PHKA1: variants seen among roughly 807,000 people sequenced by gnomAD.
PHKA1 encodes phosphorylase b kinase regulatory subunit alpha, skeletal muscle isoform.
In PHKA1, 60 loss-of-function variants were observed where a neutral mutation model predicts 110.2. The ratio of observed to expected loss-of-function variants is 0.54; its 90% CI spans 0.44 to 0.68. The LOEUF is 0.68. PHKA1 is among the 30% of genes least tolerant of loss of function. The pLI, the probability that PHKA1 is intolerant of heterozygous loss-of-function variation, is 0.00. For synonymous variants in PHKA1, 316 were observed against 333.6 expected, an observed-to-expected ratio of 0.95 and a Z score of 0.58; for missense variants, 801 against 942.5, an observed-to-expected ratio of 0.85 and a Z score of 1.97.
intron 21 of PHKA1, among the ~76,000 whole-genome samples, chrX:72,612,592 A>G (rs2052828826): frequency 8.9e-6 from 1 of 112,111 alleles, no homozygotes; most frequent in African/African-American, 3.2e-5. Context: ...CAACAATTCA[A>G]ATGTTCATCA....
chrX:72,624,955 T>C (rs375143819), intron 17 of PHKA1, among the ~76,000 whole-genome samples: 12 of 112,295 alleles, frequency 1.1e-4, no homozygotes, highest in African/African-American at 3.6e-4. Flanking sequence ...CTCTTCTAGA[T>C]TAAAAGATAC....
At chrX:72,606,178 A>G (rs970272965) in intron 23 of PHKA1, among the ~76,000 whole-genome samples, 2 of 111,772 alleles carry the variant, frequency 1.8e-5, no homozygotes, top group Non-Finnish European at 3.8e-5. Context: ...GTTGTTAACA[A>G]TAGTCACCCT....
intron 29 of PHKA1, among the ~76,000 whole-genome samples, chrX:72,588,799 C>T (rs956784306): frequency 8.9e-6 from 1 of 111,804 alleles, no homozygotes; most frequent in Non-Finnish European, 1.9e-5. Flanking sequence ...ACTATAAACA[C>T]CTCTATGCAA....
At chrX:72,672,123 G>A (rs1326438926) in intron 6 of PHKA1, among the ~76,000 whole-genome samples, 1 of 111,813 alleles carries the variant, frequency 8.9e-6, no homozygotes, top group African/African-American at 3.3e-5. Context: ...ATACCTTCAA[G>A]GTTTATCACT....
rs1451581441 is a variant in PHKA1 at position 72,618,858 on chromosome X, T to G, written c.2230-9A>C. On this transcript the variant is annotated splice_polypyrimidine_tract_variant and intron_variant, in intron 20 of 31. Transcript: ENST00000373542. ...ACACGAACAGAGGGAACCTTTAGTT[T>G]GAGAAATGATGACAAGAAATTAAGT... The G allele has an allele frequency of 5.0e-6, 6 of 1,195,020 alleles. No individual in the cohort carries two copies. The highest frequency in any genetic ancestry group is 6.8e-6 in the Non-Finnish European group (6 of 881,770).
At chrX:72,670,594 A>C (rs1253690084) in intron 6 of PHKA1, among the ~76,000 whole-genome samples, 13 of 111,846 alleles carry the variant, frequency 1.2e-4, no homozygotes, top group Non-Finnish European at 2.4e-4. Flanking sequence ...ATGAGGCCAG[A>C]ATCATCCTGA....
At chrX:72,594,137 T>C (rs2052560177) in intron 28 of PHKA1, among the ~76,000 whole-genome samples, 1 of 111,113 alleles carries the variant, frequency 9.0e-6, no homozygotes, top group African/African-American at 3.3e-5. Context: ...GCAAAACTTA[T>C]GGGATGCAGC....
intron 29 of PHKA1, 80 bp from the exon 30 acceptor site, chrX:72,584,382 C>T (rs942789944): frequency 2.4e-4 from 212 of 892,961 alleles, no homozygotes; most frequent in African/African-American, 4.1e-4. Context: ...TATGAGGAGA[C>T]GCTGTATTTC....
At chrX:72,591,918 A>G (rs1030642362) in intron 29 of PHKA1, among the ~76,000 whole-genome samples, 2 of 112,486 alleles carry the variant, frequency 1.8e-5, no homozygotes, top group Non-Finnish European at 3.8e-5. Context: ...TCGGACATGT[A>G]CTGTTACTAC....
chrX:72,629,147 T>TA lies in PHKA1; in HGVS notation c.1715-2099dup, dbSNP rs782447661. Among the ~76,000 whole-genome samples the TA allele has an allele frequency of 6.2e-4, 69 of 111,699 alleles. 1 individual carries two copies. The highest frequency in any genetic ancestry group is 1.1e-3 in the Non-Finnish European group (59 of 53,086). ...ATGAAATCAAGGTTCAGCTTGTTCA[T>TA]AAAAATTTATGTTTTTATTATTATT... On this transcript the variant is annotated intron_variant, in intron 16 of 31. Transcript: ENST00000373542.
At chrX:72,705,136 A>G (rs1030610975) in intron 3 of PHKA1, 62 bp downstream of exon 3, 5 of 837,040 alleles carry the variant, frequency 6.0e-6, no homozygotes, top group Non-Finnish European at 7.1e-6. Context: ...ACATTCCCTA[A>G]AGGGTAGAGA....
chrX:72,638,315 G>A (rs1232693335), intron 14 of PHKA1, among the ~76,000 whole-genome samples: 1 of 105,855 alleles, frequency 9.4e-6, no homozygotes, highest in Non-Finnish European at 1.9e-5. Context: ...TAAGGTGGGA[G>A]GATCCCTTGA....
intron 8 of PHKA1, among the ~76,000 whole-genome samples, chrX:72,659,574 C>T (rs1162829587): frequency 1.8e-5 from 2 of 111,788 alleles, no homozygotes; most frequent in Admixed American, 1.9e-4. Flanking sequence ...ACTACCTTCT[C>T]CAATCCAACA....
intron 3 of PHKA1, among the ~76,000 whole-genome samples, chrX:72,698,388 A>C (rs1263437082): frequency 8.9e-6 from 1 of 112,698 alleles, no homozygotes; most frequent in Non-Finnish European, 1.9e-5. Context: ...ATGTAACTTA[A>C]GTAAAATCTG....
chrX:72,641,581 A>G (rs1003338640), intron 14 of PHKA1, among the ~76,000 whole-genome samples: 2 of 111,689 alleles, frequency 1.8e-5, no homozygotes, highest in Non-Finnish European at 3.8e-5. Flanking sequence ...TCTTACTTTC[A>G]CAAAGTTGAT....
intron 6 of PHKA1, 141 bp from the exon 7 acceptor site, chrX:72,667,614 T>A: frequency 3.9e-6 from 2 of 509,279 alleles, no homozygotes; most frequent in Middle Eastern, 4.4e-4. Context: ...AAAACATTAT[T>A]TATTCCCAGG....
chrX:72,668,065 AT>A (rs2053635629), intron 6 of PHKA1, among the ~76,000 whole-genome samples: 1 of 112,092 alleles, frequency 8.9e-6, no homozygotes, highest in African/African-American at 3.2e-5. Context: ...ACATACTATT[AT>A]CTCATATGGC....
At chrX:72,682,934 T>TA (rs1164416043) in intron 5 of PHKA1, among the ~76,000 whole-genome samples, 1,501 of 63,854 alleles carry the variant, frequency 0.024, 22 homozygotes, top group Non-Finnish European at 0.036. Context: ...AAAAATAAAT[T>TA]AAAAAAAAAA....
At position 72,618,836 on chromosome X, in the gene PHKA1, C is replaced by G; in HGVS notation, c.2243G>C (p.Arg748Pro). The G allele has an allele frequency of 8.3e-7, 1 of 1,204,561 alleles. No individual in the cohort carries two copies. The highest frequency in any genetic ancestry group is 1.1e-6 in the Non-Finnish European group (1 of 889,298). Reference sequence around the variant, plus strand: ...GTCTCTAGGAAGATGTATTTCTACACGAACAGAGGGAACCTTTAGTTTGAG... The same window carrying G: ...GTCTCTAGGAAGATGTATTTCTACAGGAACAGAGGGAACCTTTAGTTTGAG... Reference protein sequence around the residue: ...PRQENQVPSVRVEIHLPRDQS... With the variant: ...PRQENQVPSVPVEIHLPRDQS... Residue 748 changes from arginine to proline, a missense_variant, in exon 21 of 32, where the codon CGT (arginine) becomes CCT (proline). Physicochemically the swap from Arg to Pro is moderately radical, Grantham distance 103 (BLOSUM62 -2). Coordinates refer to ENST00000373542, the MANE Select transcript of PHKA1 (RefSeq NM_002637.4).
Sources: gnomAD v4.1 joint callset for allele counts (sites outside exome capture counted in the v4.1 genomes callset) on GRCh38, gnomAD v4.1.1 for gene constraint, MANE v1.5 for transcripts, NCBI Gene and HGNC (gene_info 2026-07-23, HGNC 2026-07-21) for gene names.